The following RBM6 variants were observed in gnomAD, a reference collection of about 807,000 sequenced individuals.
RBM6 encodes the protein RNA binding motif protein 6.
In RBM6, 23 loss-of-function variants were observed where a neutral mutation model predicts 140.4. The observed-to-expected ratio is 0.16, with a 90% confidence interval of 0.12 to 0.23. The LOEUF (loss-of-function observed/expected upper bound fraction) is 0.23. Among genes scored for constraint, RBM6 ranks in the 10% least tolerant of loss-of-function variants. The pLI, the probability that RBM6 is intolerant of heterozygous loss-of-function variation, is 1.00. For synonymous variants in RBM6, 439 were observed against 475.6 expected, an observed-to-expected ratio of 0.92 and a Z score of 1.00; for missense variants, 1,139 against 1,386.7, an observed-to-expected ratio of 0.82 and a Z score of 2.84.
At chr3:50,007,491 G>A (rs1184036206) in intron 6 of RBM6, among the ~76,000 whole-genome samples, 1 of 151,406 alleles carries the variant, frequency 6.6e-6, no homozygotes, top group Non-Finnish European at 1.5e-5. Context: ...CCGGCCCTTA[G>A]TAGGAGTTTC....
intron 19 of RBM6, 36 bp from the exon 20 acceptor site, chr3:50,075,165 A>G (rs776810532): frequency 6.3e-7 from 1 of 1,582,860 alleles, no homozygotes; most frequent in Admixed American, 1.9e-5. Context: ...TCAAAAAAAA[A>G]AAAAAAGGAA....
intron 11 of RBM6, among the ~76,000 whole-genome samples, 198 bp downstream of exon 11, chr3:50,059,944 G>C (rs1559643688): frequency 6.6e-6 from 1 of 152,132 alleles, no homozygotes; most frequent in South Asian, 2.1e-4. Context: ...AATAATACTA[G>C]GTACTTTTGT....
intron 6 of RBM6, among the ~76,000 whole-genome samples, chr3:50,046,643 A>G (rs2089242409): frequency 6.6e-6 from 1 of 150,908 alleles, no homozygotes; most frequent in African/African-American, 2.4e-5. Context: ...GCATTGGTGG[A>G]GCTTGATAGA....
At chr3:50,012,335 A>G (rs552111308) in intron 6 of RBM6, among the ~76,000 whole-genome samples, 35 of 151,876 alleles carry the variant, frequency 2.3e-4, no homozygotes, top group African/African-American at 8.2e-4. Context: ...GGCATGAACC[A>G]CCATGCCCAG....
intron 1 of RBM6, among the ~76,000 whole-genome samples, chr3:49,949,247 A>G (rs1444797094): frequency 6.6e-6 from 1 of 152,042 alleles, no homozygotes; most frequent in East Asian, 1.9e-4. Context: ...ATTATGAAAT[A>G]AAAAGAATAG....
At chr3:49,993,606 C>T (rs1170878874) in intron 5 of RBM6, among the ~76,000 whole-genome samples, 2 of 151,784 alleles carry the variant, frequency 1.3e-5, no homozygotes, top group Admixed American at 6.6e-5. Context: ...TGCGCCACTG[C>T]ACTCCAGCCT....
intron 6 of RBM6, among the ~76,000 whole-genome samples, chr3:50,030,095 G>A (rs1008741384): frequency 6.6e-6 from 1 of 151,732 alleles, no homozygotes; most frequent in Non-Finnish European, 1.5e-5. Context: ...GTGGGACCTT[G>A]TCTCTATAAA....
intron 6 of RBM6, among the ~76,000 whole-genome samples, chr3:50,033,244 C>T (rs2088288489): frequency 1.3e-5 from 2 of 152,046 alleles, no homozygotes; most frequent in Admixed American, 1.3e-4. Context: ...TTGCAGTGAG[C>T]CAAGACTGTG....
chr3:49,954,419 G>A (rs142935903), intron 1 of RBM6, among the ~76,000 whole-genome samples: 7,322 of 146,562 alleles, frequency 0.05, 257 homozygotes, highest in South Asian at 0.098. Flanking sequence ...CAGCCTGGGC[G>A]ACAGAGCGAG....
At position 50,065,065 on chromosome 3, in the gene RBM6, C is replaced by A; in HGVS notation, c.2621C>A (p.Ala874Glu). 6.2e-7 allele frequency: 1 copy of A among 1,613,906 alleles called. No homozygotes were observed. Among genetic ancestry groups the A allele is most frequent in the Non-Finnish European group, 8.5e-7 (1 of 1,179,868 alleles). Reference protein sequence around the residue: ...QENASEGKAPAEDVFKKPLPP... With the variant: ...QENASEGKAPEEDVFKKPLPP... ...AATGCCAGTGAAGGGAAGGCCCCTG[C>A]AGAAGACGTCTTTAAGAAGCCCCTG... Residue 874 changes from alanine (A) to glutamate (E), a missense_variant, in exon 16 of 21, where the codon GCA becomes GAA. Ala to Glu is a moderately radical substitution (Grantham distance 107). This residue lies in a region of RBM6 where 163 missense variants were observed against 182.8 expected (regional missense o/e 0.89). Coordinates refer to ENST00000266022, the MANE Select transcript of RBM6 (RefSeq NM_005777.3).
In RBM6 at chr3:50,056,432, T is replaced by C. The variant is rs985597160; in HGVS notation, c.1694-1296T>C. Among the ~76,000 whole-genome samples, 13 of 152,108 alleles carry C rather than the reference T, an allele frequency of 8.5e-5. No individual in the cohort carries two copies. The East Asian group carries it at 2.5e-3, about 29-fold the overall frequency. On this transcript the variant is annotated intron_variant, in intron 8 of 20. Coordinates refer to ENST00000266022, the MANE Select transcript of RBM6 (RefSeq NM_005777.3). ...GCCTCAGCCTCCCAAGTAGCTGGGA[T>C]TACAGGCACCCGCCACCGTGCCCAG...
intron 5 of RBM6, among the ~76,000 whole-genome samples, chr3:49,982,864 A>G (rs1414977412): frequency 4.0e-5 from 6 of 151,060 alleles, no homozygotes; most frequent in African/African-American, 1.5e-4. Context: ...CAGGCCTGCC[A>G]TCGTGCCCAG....
At chr3:49,984,606 ACATCACATCGCATCGCATCG>A (rs1305526548) in intron 5 of RBM6, among the ~76,000 whole-genome samples, 12 of 99,204 alleles carry the variant, frequency 1.2e-4, no homozygotes, top group South Asian at 5.1e-4. Flanking sequence ...ACATCACATC[ACATCACATCGCATCGCATCG>A]CATCGCATCG....
intron 4 of RBM6, 134 bp downstream of exon 4, chr3:49,972,282 TC>T: frequency 1.5e-6 from 1 of 675,650 alleles, no homozygotes. Flanking sequence ...TTTCCCATCT[TC>T]CCTCAGTGTT....
chr3:49,992,181 G>A (rs2085858767), intron 5 of RBM6, among the ~76,000 whole-genome samples: 1 of 152,024 alleles, frequency 6.6e-6, no homozygotes, highest in African/African-American at 2.4e-5. Context: ...CAGACTCCTG[G>A]GGTTAAGCGA....
intron 6 of RBM6, among the ~76,000 whole-genome samples, chr3:50,036,967 G>T (rs12486832): frequency 0.052 from 7,953 of 151,914 alleles, 274 homozygotes; most frequent in Non-Finnish European, 0.077. Flanking sequence ...TTAATTTTTA[G>T]TAGAGACGGG....
chr3:49,995,486 A>G (rs925028355), intron 5 of RBM6, among the ~76,000 whole-genome samples: 4 of 151,690 alleles, frequency 2.6e-5, no homozygotes, highest in Non-Finnish European at 5.9e-5. Flanking sequence ...AGAGGTTGCA[A>G]TGAGCCGAGA....
At chr3:50,072,697 A>G (rs900055208) in intron 19 of RBM6, among the ~76,000 whole-genome samples, 1 of 152,122 alleles carries the variant, frequency 6.6e-6, no homozygotes, top group African/African-American at 2.4e-5. Context: ...GTCTCTCTTC[A>G]TTTTTATGAG....
At chr3:50,069,034 T>C (rs1190319217) in intron 18 of RBM6, among the ~76,000 whole-genome samples, 1 of 152,214 alleles carries the variant, frequency 6.6e-6, no homozygotes, top group Admixed American at 6.5e-5. Context: ...CTGCTTAGCT[T>C]TTAAATTAGT....
Sources: gnomAD v4.1 joint callset for allele counts (sites outside exome capture counted in the v4.1 genomes callset) on GRCh38, gnomAD v4.1.1 for gene constraint, gnomAD v4.1.1 regional missense constraint, MANE v1.5 for transcripts, NCBI Gene and HGNC (gene_info 2026-07-23, HGNC 2026-07-21) for gene names.